PKHD1: variants seen among roughly 807,000 people sequenced by gnomAD.
PKHD1 encodes the protein PKHD1 ciliary IPT domain containing fibrocystin/polyductin, also known as fibrocystin.
In PKHD1, 291 loss-of-function variants were observed where a neutral mutation model predicts 412.0. That is an observed-to-expected ratio of 0.71 (90% CI 0.64 to 0.78). PKHD1 has a LOEUF of 0.78. Ranked by LOEUF, PKHD1 falls within the 30% of genes least tolerant of loss-of-function variation. The probability of loss-of-function intolerance (pLI) is 0.00; values close to 1 mark genes in which losing one functional copy is unlikely to be tolerated. For synonymous variants in PKHD1, 1,777 were observed against 1,821.5 expected (o/e 0.98, Z 0.62); for missense variants, 4,825 against 4,950.7 (o/e 0.97, Z 0.76).
intron 16 of PKHD1, among the ~76,000 whole-genome samples, chr6:52,057,754 G>C (rs890078227): frequency 1.3e-5 from 2 of 151,994 alleles, no homozygotes; most frequent in African/African-American, 4.8e-5. Flanking sequence ...TTTCTACTTT[G>C]TTCTATGGTT....
intron 52 of PKHD1, among the ~76,000 whole-genome samples, chr6:51,801,639 T>TTGTGTGTGTGTGTGCGTGTGTG (rs1762933874): frequency 8.3e-6 from 1 of 120,204 alleles, no homozygotes; most frequent in Non-Finnish European, 1.8e-5. Flanking sequence ...GCTGGCCTGA[T>TTGTGTGTGTGTGTGCGTGTGTG]TGTGTGTGTG....
At chr6:51,893,714 G>C (rs1230412884) in intron 43 of PKHD1, among the ~76,000 whole-genome samples, 7 of 152,134 alleles carry the variant, frequency 4.6e-5, no homozygotes, top group Non-Finnish European at 8.8e-5. Flanking sequence ...AACTGCCCAA[G>C]TAAGCCAGCT....
At chr6:51,913,312 T>C (rs1783262236) in intron 37 of PKHD1, among the ~76,000 whole-genome samples, 1 of 152,122 alleles carries the variant, frequency 6.6e-6, no homozygotes, top group African/African-American at 2.4e-5. Context: ...AACATAGGAC[T>C]GCTAAATGCA....
intron 26 of PKHD1, among the ~76,000 whole-genome samples, chr6:52,043,390 T>C: frequency 6.6e-6 from 1 of 152,164 alleles, no homozygotes; most frequent in East Asian, 1.9e-4. Context: ...TATTTCAAAA[T>C]AAAGGACAAA....
At chr6:52,023,684 C>T (rs553908616) in intron 32 of PKHD1, among the ~76,000 whole-genome samples, 1 of 152,170 alleles carries the variant, frequency 6.6e-6, no homozygotes, top group Non-Finnish European at 1.5e-5. Context: ...TGGTACTTAG[C>T]CACTTGACTA....
At chr6:51,912,271 T>A in intron 38 of PKHD1, 95 bp downstream of exon 38, 1 of 822,638 alleles carries the variant, frequency 1.2e-6, no homozygotes, top group Non-Finnish European at 2.1e-6. Context: ...AGAAGAAATA[T>A]ATCATTGAAA....
chr6:51,754,642 C>T, intron 56 of PKHD1, 142 bp downstream of exon 56: 1 of 713,714 alleles, frequency 1.4e-6, no homozygotes. Context: ...AGAGATAAGG[C>T]CACGTAGCAT....
intron 60 of PKHD1, among the ~76,000 whole-genome samples, chr6:51,680,460 A>T (rs183418756): frequency 2.4e-4 from 37 of 152,192 alleles, no homozygotes; most frequent in African/African-American, 8.9e-4. Flanking sequence ...ATTGCACAGA[A>T]GTATCACTGA....
chr6:51,676,822 T>G (rs946462592), intron 60 of PKHD1, among the ~76,000 whole-genome samples: 1 of 152,134 alleles, frequency 6.6e-6, no homozygotes, highest in Admixed American at 6.6e-5. Flanking sequence ...ATAGAAATAA[T>G]AGAGAAAAAC....
At chr6:51,667,997 T>G (rs1774148129) in intron 60 of PKHD1, among the ~76,000 whole-genome samples, 1 of 152,152 alleles carries the variant, frequency 6.6e-6, no homozygotes, top group Non-Finnish European at 1.5e-5. Flanking sequence ...CCAGCTTTGT[T>G]CTTTTGGCTT....
chr6:51,620,276 C>A (rs1015244639), intron 66 of PKHD1, among the ~76,000 whole-genome samples: 1 of 151,982 alleles, frequency 6.6e-6, no homozygotes, highest in Non-Finnish European at 1.5e-5. Flanking sequence ...TCTTATTTTT[C>A]TATTAAACAG....
chr6:51,721,742 C>A, intron 60 of PKHD1: 1 of 1,391,576 alleles, frequency 7.2e-7, no homozygotes, highest in Non-Finnish European at 9.3e-7. Context: ...TCTCCACAGT[C>A]CCCAAAGTCA....
chr6:52,069,620 A>T (rs982471697), intron 10 of PKHD1, 93 bp from the exon 11 acceptor site: 17 of 877,852 alleles, frequency 1.9e-5, no homozygotes, highest in Non-Finnish European at 3.1e-5. Context: ...TTGGGAACTA[A>T]CCTCTATTGA....
intron 8 of PKHD1, 38 bp from the exon 9 acceptor site, chr6:52,071,108 AACT>A: frequency 7.5e-7 from 1 of 1,328,708 alleles, no homozygotes; most frequent in Non-Finnish European, 1.1e-6. Flanking sequence ...ATGACCAGAC[AACT>A]CACTACCAGA....
chr6:52,054,913 C>A (rs1807470382), intron 19 of PKHD1, among the ~76,000 whole-genome samples: 1 of 152,202 alleles, frequency 6.6e-6, no homozygotes. Flanking sequence ...AGCAGCCCAA[C>A]TAGGAAAAGA....
chr6:51,907,460 G>A (rs1782286769), intron 40 of PKHD1, among the ~76,000 whole-genome samples: 1 of 152,088 alleles, frequency 6.6e-6, no homozygotes, highest in South Asian at 2.1e-4. Context: ...TGCCCATAGT[G>A]CACAGAATCT....
chr6:51,906,831 G>A (rs2127639378), intron 40 of PKHD1, among the ~76,000 whole-genome samples: 1 of 152,222 alleles, frequency 6.6e-6, no homozygotes, highest in South Asian at 2.1e-4. Context: ...AAGGTCAAAG[G>A]TTGGCCTGAG....
chr6:51,822,186 TTTTTAA>T (rs1290793568), intron 52 of PKHD1, among the ~76,000 whole-genome samples: 44 of 152,092 alleles, frequency 2.9e-4, no homozygotes, highest in African/African-American at 9.7e-4. Context: ...GCAGTAATGG[TTTTTAA>T]TTTTAACAAA....
intron 36 of PKHD1, among the ~76,000 whole-genome samples, chr6:51,948,349 C>T (rs912001770): frequency 6.6e-6 from 1 of 152,176 alleles, no homozygotes; most frequent in Non-Finnish European, 1.5e-5. Context: ...CTGGCCCCAT[C>T]TGCCTCTGCT....
Sources: gnomAD v4.1 joint callset for allele counts (sites outside exome capture counted in the v4.1 genomes callset) on GRCh38, gnomAD v4.1.1 for gene constraint, MANE v1.5 for transcripts, NCBI Gene and HGNC (gene_info 2026-07-23, HGNC 2026-07-21) for gene names.